Variants in RGS6 observed in about 807,000 individuals in gnomAD.
RGS6 encodes regulator of G-protein signaling 6.
Under a neutral mutation model 78.5 loss-of-function variants are expected in RGS6, and 30 were observed. The ratio of observed to expected loss-of-function variants is 0.38; its 90% CI spans 0.29 to 0.52. The LOEUF (loss-of-function observed/expected upper bound fraction) is 0.52, where lower values mean the gene tolerates loss of function less well. Among genes scored for constraint, RGS6 ranks in the 20% least tolerant of loss-of-function variants. The pLI, the probability that RGS6 is intolerant of heterozygous loss-of-function variation, is 0.85. For synonymous variants in RGS6, 206 were observed against 206.0 expected (o/e 1.00, Z 0.00); for missense variants, 495 against 609.7 (o/e 0.81, Z 1.98).
At chr14:72,580,090 T>C in the RGS6 span, among the ~76,000 whole-genome samples, 3 of 152,212 alleles carry the variant, frequency 2.0e-5, no homozygotes, top group Non-Finnish European at 2.9e-5. Context: ...CAAAAATCCT[T>C]TCAGCACCTT....
chr14:72,403,693 C>G (rs1193895930), intron 3 of RGS6, among the ~76,000 whole-genome samples: 1 of 152,076 alleles, frequency 6.6e-6, no homozygotes, highest in Non-Finnish European at 1.5e-5. Context: ...TATCAAAATA[C>G]CACTCTATAC....
At chr14:72,210,393 G>A (rs2043813918) in intron 2 of RGS6, among the ~76,000 whole-genome samples, 1 of 152,258 alleles carries the variant, frequency 6.6e-6, no homozygotes, top group East Asian at 1.9e-4. Flanking sequence ...TTCATCGTCA[G>A]ATTTGTCCAA....
intron 2 of RGS6, among the ~76,000 whole-genome samples, chr14:72,131,341 C>A (rs2096311026): frequency 6.6e-6 from 1 of 152,162 alleles, no homozygotes; most frequent in Non-Finnish European, 1.5e-5. Context: ...ACTTGGGATA[C>A]TTAAGGAAAA....
intron 3 of RGS6, among the ~76,000 whole-genome samples, chr14:72,352,611 G>GT (rs563893078): frequency 4.1e-4 from 62 of 152,248 alleles, no homozygotes; most frequent in Admixed American, 3.2e-3. Context: ...TGAAAGAGAG[G>GT]TTTTAAACTA....
the RGS6 span, among the ~76,000 whole-genome samples, chr14:71,888,958 A>G: frequency 0.83 from 126,013 of 152,110 alleles, 52,389 homozygotes; most frequent in Non-Finnish European, 0.85. Flanking sequence ...GGTGTCTCTT[A>G]ACTATAGCAT....
At chr14:72,432,187 T>A (rs1158673096) in intron 3 of RGS6, among the ~76,000 whole-genome samples, 1 of 152,134 alleles carries the variant, frequency 6.6e-6, no homozygotes, top group African/African-American at 2.4e-5. Flanking sequence ...GGAGCCAGGG[T>A]TATAAGGGAC....
intron 3 of RGS6, among the ~76,000 whole-genome samples, chr14:72,416,163 G>C (rs1041231711): frequency 1.4e-5 from 2 of 145,994 alleles, no homozygotes; most frequent in South Asian, 4.4e-4. Flanking sequence ...AAAAAAAAAA[G>C]TTTATTCCTA....
chr14:72,476,134 C>T (rs758007324), intron 10 of RGS6, among the ~76,000 whole-genome samples: 63 of 152,202 alleles, frequency 4.1e-4, no homozygotes, highest in Middle Eastern at 3.4e-3. Context: ...TTCCGTAATA[C>T]GAGGAACAGC....
chr14:72,177,004 G>A (rs1377288637), intron 2 of RGS6, among the ~76,000 whole-genome samples: 1 of 151,902 alleles, frequency 6.6e-6, no homozygotes, highest in Non-Finnish European at 1.5e-5. Flanking sequence ...ACTTTTTTGT[G>A]TCTGACTTTC....
intron 17 of RGS6, among the ~76,000 whole-genome samples, chr14:72,556,880 G>T (rs962324963): frequency 5.9e-5 from 9 of 152,086 alleles, no homozygotes; most frequent in Admixed American, 5.9e-4. Flanking sequence ...AAAAATTGGG[G>T]TATTGTTTTA....
chr14:72,526,752 C>T (rs1393856763), intron 15 of RGS6, among the ~76,000 whole-genome samples: 1 of 152,244 alleles, frequency 6.6e-6, no homozygotes, highest in Non-Finnish European at 1.5e-5. Flanking sequence ...GAAGGAGCAA[C>T]AGCTTCCTAT....
chr14:72,439,993 C>T (rs2095120003), intron 3 of RGS6, among the ~76,000 whole-genome samples: 1 of 152,192 alleles, frequency 6.6e-6, no homozygotes, highest in African/African-American at 2.4e-5. Context: ...CCTAACCCAC[C>T]CAAACCTTTG....
At chr14:72,555,484 T>TTAAG (rs1435467112) in intron 17 of RGS6, among the ~76,000 whole-genome samples, 6 of 152,026 alleles carry the variant, frequency 3.9e-5, no homozygotes, top group East Asian at 3.8e-4. Flanking sequence ...GCTCAAGAAC[T>TTAAG]TAAGTTCTTT....
chr14:72,390,962 TC>T (rs2089822002), intron 3 of RGS6, among the ~76,000 whole-genome samples: 1 of 152,156 alleles, frequency 6.6e-6, no homozygotes, highest in South Asian at 2.1e-4. Context: ...TCTAGAACCT[TC>T]CACTCAGACT....
At chr14:72,284,125 T>G (rs1278505949) in intron 2 of RGS6, among the ~76,000 whole-genome samples, 21 of 152,236 alleles carry the variant, frequency 1.4e-4, no homozygotes, top group Non-Finnish European at 1.5e-5. Flanking sequence ...TTTGGTGCTG[T>G]TAAAAGCATT....
At chr14:71,986,563 G>T (rs1325487882) in intron 2 of RGS6, among the ~76,000 whole-genome samples, 1 of 151,768 alleles carries the variant, frequency 6.6e-6, no homozygotes, top group African/African-American at 2.4e-5. Flanking sequence ...TACAAAAGTT[G>T]TCTGGGTGTG....
chr14:72,250,761 C>A (rs903682156), intron 2 of RGS6, among the ~76,000 whole-genome samples: 1 of 152,120 alleles, frequency 6.6e-6, no homozygotes, highest in South Asian at 2.1e-4. Flanking sequence ...TGGTCAAATA[C>A]GTGAGCAGAT....
intron 2 of RGS6, among the ~76,000 whole-genome samples, chr14:71,972,348 T>TG (rs2153080373): frequency 6.6e-6 from 1 of 151,892 alleles, no homozygotes; most frequent in South Asian, 2.1e-4. Flanking sequence ...CTGAGTGTTT[T>TG]TTTTTTATAA....
chr14:72,204,316 C>T (rs1438898882), intron 2 of RGS6, among the ~76,000 whole-genome samples: 1 of 152,162 alleles, frequency 6.6e-6, no homozygotes, highest in African/African-American at 2.4e-5. Flanking sequence ...GGAAGCAAGT[C>T]ACCAAACATA....
Sources: allele counts gnomAD v4.1 joint callset (sites outside exome capture counted in the v4.1 genomes callset), GRCh38; gene constraint gnomAD v4.1.1; transcripts MANE v1.5; gene names NCBI Gene and HGNC (gene_info 2026-07-23, HGNC 2026-07-21).